CNTN1: variants seen among roughly 807,000 people sequenced by gnomAD.
The protein encoded by CNTN1 is contactin-1.
A neutral mutation model predicts 126.4 loss-of-function variants in CNTN1; 38 were observed. The observed-to-expected ratio is 0.30, with a 90% CI of 0.23 to 0.39. The LOEUF (loss-of-function observed/expected upper bound fraction) is 0.39. Ranked by LOEUF, CNTN1 falls within the 10% of genes least tolerant of loss-of-function variation. The pLI is 1.00. For missense variants in CNTN1, 1,009 were observed against 1,248.4 expected (o/e 0.81, Z 2.89); for synonymous variants, 413 against 422.6 (o/e 0.98, Z 0.28).
intron 2 of CNTN1, among the ~76,000 whole-genome samples, chr12:40,909,575 AT>A (rs1013687743): frequency 4.6e-5 from 7 of 151,846 alleles, no homozygotes; most frequent in Non-Finnish European, 7.4e-5. Flanking sequence ...ACATAAAAAA[AT>A]ATTATTTTAT....
intron 1 of CNTN1, among the ~76,000 whole-genome samples, chr12:40,772,315 C>T (rs970680896): frequency 1.1e-4 from 16 of 151,926 alleles, no homozygotes; most frequent in Admixed American, 8.5e-4. Context: ...GAAGCAATCA[C>T]GCTCATTTGT....
chr12:40,968,183 C>T (rs1194969029), intron 15 of CNTN1, among the ~76,000 whole-genome samples: 1 of 151,958 alleles, frequency 6.6e-6, no homozygotes, highest in Non-Finnish European at 1.5e-5. Context: ...GGTAGAACAC[C>T]CAGCTCATGG....
chr12:40,702,584 A>G (rs1941628227), intron 1 of CNTN1, among the ~76,000 whole-genome samples: 1 of 152,082 alleles, frequency 6.6e-6, no homozygotes, highest in African/African-American at 2.4e-5. Context: ...AGCTGAGATT[A>G]CAGGAGCCTG....
chr12:40,783,112 T>C (rs1258641335), intron 1 of CNTN1, among the ~76,000 whole-genome samples: 1 of 151,954 alleles, frequency 6.6e-6, no homozygotes, highest in Non-Finnish European at 1.5e-5. Flanking sequence ...GCTTTTAAAG[T>C]ACCAGTGGGA....
At chr12:41,060,482 G>T (rs1010976318) in intron 23 of CNTN1, among the ~76,000 whole-genome samples, 7 of 152,166 alleles carry the variant, frequency 4.6e-5, no homozygotes, top group African/African-American at 1.7e-4. Context: ...GAATAATTTA[G>T]CACTTGTTTT....
intron 1 of CNTN1, among the ~76,000 whole-genome samples, chr12:40,862,001 G>T (rs1465652127): frequency 4.0e-5 from 6 of 151,670 alleles, no homozygotes; most frequent in Admixed American, 3.9e-4. Flanking sequence ...GAGTTTGAGG[G>T]CTAGGAGTTT....
At chr12:40,980,885 T>A (rs1245690382) in intron 15 of CNTN1, 24 bp from the exon 16 acceptor site, 1 of 1,611,388 alleles carries the variant, frequency 6.2e-7, no homozygotes, top group East Asian at 2.2e-5. Flanking sequence ...ATTCACTGAT[T>A]CATTACCCAC....
chr12:40,859,434 G>A (rs1943042242), intron 1 of CNTN1, among the ~76,000 whole-genome samples: 1 of 152,002 alleles, frequency 6.6e-6, no homozygotes, highest in African/African-American at 2.4e-5. Context: ...GGGGGTATAT[G>A]GGAACCTATC....
intron 17 of CNTN1, among the ~76,000 whole-genome samples, chr12:40,994,197 A>G (rs1386713278): frequency 6.6e-6 from 1 of 152,142 alleles, no homozygotes; most frequent in Non-Finnish European, 1.5e-5. Context: ...ATTCCAAGAA[A>G]GAAGGAGGGA....
At chr12:40,713,927 T>C (rs1941987027) in intron 1 of CNTN1, among the ~76,000 whole-genome samples, 1 of 152,092 alleles carries the variant, frequency 6.6e-6, no homozygotes, top group African/African-American at 2.4e-5. Flanking sequence ...TACGCTCTTC[T>C]CTATTTCTCA....
intron 1 of CNTN1, among the ~76,000 whole-genome samples, chr12:40,771,762 AAAAAT>A (rs1359063264): frequency 6.6e-6 from 1 of 152,042 alleles, no homozygotes; most frequent in Middle Eastern, 3.2e-3. Flanking sequence ...GAGGTGTCCA[AAAAAT>A]AAAATATGAG....
chr12:40,976,776 A>T (rs1947686436), intron 15 of CNTN1, among the ~76,000 whole-genome samples: 1 of 152,128 alleles, frequency 6.6e-6, no homozygotes, highest in South Asian at 2.1e-4. Flanking sequence ...GCTGAGAGAC[A>T]CTGCAGGGCT....
intron 1 of CNTN1, among the ~76,000 whole-genome samples, chr12:40,903,214 G>A (rs1263419979): frequency 2.0e-5 from 3 of 152,140 alleles, no homozygotes; most frequent in African/African-American, 4.8e-5. Context: ...GCCTGGCTGG[G>A]TGTACAAGAG....
At chr12:40,829,759 A>G (rs1043189176) in intron 1 of CNTN1, among the ~76,000 whole-genome samples, 1 of 152,146 alleles carries the variant, frequency 6.6e-6, no homozygotes, top group African/African-American at 2.4e-5. Context: ...ATTACTACCT[A>G]TATATCTTAG....
At chr12:40,775,600 A>G (rs1222852056) in intron 1 of CNTN1, among the ~76,000 whole-genome samples, 1 of 151,558 alleles carries the variant, frequency 6.6e-6, no homozygotes, top group Non-Finnish European at 1.5e-5. Flanking sequence ...GTTTCTCCTA[A>G]TCACAAGTAA....
rs1275860862 is a variant in CNTN1, at chr12:40,707,044, GCGCACACACACACACA to G, written c.-77+14454_-77+14469del. On this transcript the variant is annotated intron_variant, in intron 1 of 23. Transcript: ENST00000551295. ...TATAAAGACGTGCGCGCGCGCGCTTGCGCACACACACACACACACACACACACACACACACACACAC... is the reference window on the plus strand; with the variant it reads ...TATAAAGACGTGCGCGCGCGCGCTTGCACACACACACACACACACACACAC... Among the ~76,000 whole-genome samples the G allele has an allele frequency of 1.0e-3, 52 of 50,556 alleles. 1 individual carries two copies. Among genetic ancestry groups the G allele is most frequent in the African/African-American group, 4.2e-3 (52 of 12,396 alleles). 33.2% of individuals were successfully genotyped at this position (50,556 alleles called of 152,430 possible). A position where few individuals can be genotyped will look rare whatever the true frequency, so the allele number is the denominator to read the frequency against.
At chr12:40,831,187 TATA>T (rs1185091773) in intron 1 of CNTN1, among the ~76,000 whole-genome samples, 1 of 147,990 alleles carries the variant, frequency 6.8e-6, no homozygotes, top group Non-Finnish European at 1.5e-5. Flanking sequence ...TATATTTACT[TATA>T]GTATATACAT....
chr12:40,925,529 T>TTG (rs34980396), intron 6 of CNTN1, among the ~76,000 whole-genome samples: 15,416 of 141,138 alleles, frequency 0.11, 1,003 homozygotes, highest in Admixed American at 0.21. Context: ...CCACATGAAA[T>TTG]TGTGTGTGTG....
intron 11 of CNTN1, 81 bp downstream of exon 11, chr12:40,937,768 A>C: frequency 1.2e-6 from 1 of 845,562 alleles, no homozygotes; most frequent in Non-Finnish European, 2.1e-6. Context: ...AGCCTACACA[A>C]AATACCCAGT....
Sources: gnomAD v4.1 joint callset for allele counts (sites outside exome capture counted in the v4.1 genomes callset) on GRCh38, gnomAD v4.1.1 for gene constraint, MANE v1.5 for transcripts, NCBI Gene and HGNC (gene_info 2026-07-23, HGNC 2026-07-21) for gene names.